The following GLI3 variants were observed in gnomAD, a reference collection of about 807,000 sequenced individuals.
The protein encoded by GLI3 is transcription activator GLI3.
GLI3 carries 20 observed loss-of-function variants against 100.8 expected under a neutral mutation model. The ratio of observed to expected loss-of-function variants is 0.20; its 90% CI spans 0.14 to 0.29. GLI3 has a LOEUF of 0.29. GLI3 is among the 10% of genes least tolerant of loss of function. The pLI is 1.00. For synonymous variants in GLI3, 938 were observed against 860.5 expected, an observed-to-expected ratio of 1.09 and a Z score of -1.58; for missense variants, 2,040 against 2,128.5, an observed-to-expected ratio of 0.96 and a Z score of 0.82.
intron 2 of GLI3, among the ~76,000 whole-genome samples, chr7:42,209,050 T>A (rs925531006): frequency 7.3e-6 from 1 of 137,248 alleles, no homozygotes; most frequent in Non-Finnish European, 1.7e-5. Flanking sequence ...ATACTTGCAA[T>A]TTTTTTTTTA....
chr7:42,012,032 C>G (rs1269317219), intron 10 of GLI3, among the ~76,000 whole-genome samples: 1 of 152,206 alleles, frequency 6.6e-6, no homozygotes, highest in Admixed American at 6.5e-5. Context: ...TCCTGCTGGT[C>G]CTCACCGCTC....
At chr7:41,992,496 T>C (rs1448865298) in intron 10 of GLI3, among the ~76,000 whole-genome samples, 1 of 152,108 alleles carries the variant, frequency 6.6e-6, no homozygotes, top group African/African-American at 2.4e-5. Flanking sequence ...TGCAGGAATG[T>C]GGGCCCCTTC....
At chr7:42,250,005 G>A (rs1346118213) in intron 1 of GLI3, among the ~76,000 whole-genome samples, 1 of 152,050 alleles carries the variant, frequency 6.6e-6, no homozygotes, top group East Asian at 1.9e-4. Flanking sequence ...TGAGGTGGGA[G>A]GATTGCTTGA....
At chr7:42,044,538 TTA>T (rs1784206022) in intron 6 of GLI3, among the ~76,000 whole-genome samples, 1 of 152,204 alleles carries the variant, frequency 6.6e-6, no homozygotes, top group Non-Finnish European at 1.5e-5. Flanking sequence ...TAATCTCACC[TTA>T]TTCCACTGCT....
intron 2 of GLI3, among the ~76,000 whole-genome samples, chr7:42,221,632 C>G (rs978593646): frequency 1.1e-4 from 16 of 152,160 alleles, no homozygotes; most frequent in African/African-American, 3.6e-4. Context: ...AAGCCAAGTA[C>G]ATAGGAAGCA....
chr7:41,969,665 T>A (rs1787316282), intron 13 of GLI3, among the ~76,000 whole-genome samples: 1 of 152,224 alleles, frequency 6.6e-6, no homozygotes, highest in African/African-American at 2.4e-5. Flanking sequence ...GACTGTCAAA[T>A]CAGAGTGTGT....
intron 5 of GLI3, among the ~76,000 whole-genome samples, chr7:42,046,972 A>G (rs564807817): frequency 6.6e-6 from 1 of 152,290 alleles, no homozygotes; most frequent in African/African-American, 2.4e-5. Context: ...CATGGGCAAC[A>G]TGGCGAAACG....
chr7:42,227,704 G>A (rs1788609253), intron 1 of GLI3: 1 of 152,298 alleles, frequency 6.6e-6, no homozygotes, highest in East Asian at 1.9e-4. Flanking sequence ...AGAACAGAAA[G>A]CGAGCAAGAG....
chr7:42,224,083 A>G (rs141014343), intron 1 of GLI3, among the ~76,000 whole-genome samples: 1 of 152,356 alleles, frequency 6.6e-6, no homozygotes, highest in East Asian at 1.9e-4. Flanking sequence ...CACTGGCTTC[A>G]TTCATGTGAT....
chr7:42,229,464 G>A (rs1306564466), intron 1 of GLI3, among the ~76,000 whole-genome samples: 1 of 152,202 alleles, frequency 6.6e-6, no homozygotes, highest in Non-Finnish European at 1.5e-5. Context: ...TCCAGTGGAA[G>A]AAGGTTTTCC....
At chr7:42,242,589 C>A (rs1788936371), upstream of GLI3, among the ~76,000 whole-genome samples, 1 of 152,170 alleles carries the variant, frequency 6.6e-6, no homozygotes. Context: ...ACCCCACTGA[C>A]TTCTCTTCCC....
chr7:41,987,097 C>CATAG lies in GLI3; in HGVS notation c.1498-8350_1498-8349insCTAT, dbSNP rs1787849174. ...CTGCTACAACATACACAGACACAGA[C>CATAG]ACAGACACACACACACACACACACA... On this transcript the variant is annotated intron_variant, in intron 10 of 14. Coordinates refer to ENST00000395925, the MANE Select transcript of GLI3 (RefSeq NM_000168.6). Among the ~76,000 whole-genome samples, 3 of 85,964 alleles carry CATAG rather than the reference C, an allele frequency of 3.5e-5. 1 individual carries two copies. In the South Asian group the frequency reaches 1.4e-3, roughly 39 times the overall value. 56.4% of individuals were successfully genotyped at this position (85,964 alleles called of 152,430 possible).
chr7:42,185,258 T>A (rs1787696055), intron 2 of GLI3, among the ~76,000 whole-genome samples: 1 of 152,178 alleles, frequency 6.6e-6, no homozygotes, highest in Admixed American at 6.5e-5. Flanking sequence ...CCACACATAT[T>A]CAAATCCACT....
chr7:42,088,727 A>G (rs796571527), intron 3 of GLI3, among the ~76,000 whole-genome samples: 10 of 152,314 alleles, frequency 6.6e-5, no homozygotes, highest in South Asian at 2.1e-4. Flanking sequence ...AGGACTGGGG[A>G]GGATGATAGG....
At chr7:42,196,840 T>G (rs1468196470) in intron 2 of GLI3, among the ~76,000 whole-genome samples, 1 of 152,132 alleles carries the variant, frequency 6.6e-6, no homozygotes, top group Non-Finnish European at 1.5e-5. Context: ...GAAAAGGAAA[T>G]GTATCTGAAT....
intron 4 of GLI3, among the ~76,000 whole-genome samples, chr7:42,057,196 C>T (rs1784480828): frequency 1.3e-5 from 2 of 152,270 alleles, no homozygotes; most frequent in South Asian, 4.1e-4. Flanking sequence ...TTGAATTATA[C>T]TTTATTTCTT....
At chr7:42,102,778 T>C (rs1404447332) in intron 3 of GLI3, among the ~76,000 whole-genome samples, 1 of 152,188 alleles carries the variant, frequency 6.6e-6, no homozygotes, top group Non-Finnish European at 1.5e-5. Flanking sequence ...CTCCGGCTTG[T>C]CCCTAAGTCA....
At chr7:42,261,417 A>C (rs1057042283) in intron 1 of GLI3, among the ~76,000 whole-genome samples, 1 of 145,536 alleles carries the variant, frequency 6.9e-6, no homozygotes, top group East Asian at 2.1e-4. Context: ...GGCAGGCTCA[A>C]ATATCCAAAC....
chr7:42,123,595 T>A (rs1209005672), intron 3 of GLI3, among the ~76,000 whole-genome samples: 1 of 152,228 alleles, frequency 6.6e-6, no homozygotes, highest in Non-Finnish European at 1.5e-5. Flanking sequence ...TAGCATAAAA[T>A]AACTGGTATT....
Sources: allele counts gnomAD v4.1 joint callset (sites outside exome capture counted in the v4.1 genomes callset), GRCh38; gene constraint gnomAD v4.1.1; transcripts MANE v1.5; gene names NCBI Gene and HGNC (gene_info 2026-07-23, HGNC 2026-07-21).